Variants in SETBP1 observed in about 807,000 individuals in gnomAD.
SETBP1 encodes SET binding protein 1.
SETBP1 carries 9 observed loss-of-function variants against 101.0 expected under a neutral mutation model. That is an observed-to-expected ratio of 0.09 (90% CI 0.05 to 0.16). The LOEUF (loss-of-function observed/expected upper bound fraction) is 0.16. Among genes scored for constraint, SETBP1 ranks in the 10% least tolerant of loss-of-function variants. The pLI is 1.00. For synonymous variants in SETBP1, 818 were observed against 788.5 expected (o/e 1.04, Z -0.63); for missense variants, 1,858 against 2,033.8 (o/e 0.91, Z 1.66).
chr18:44,851,982 C>T (rs901213224), intron 2 of SETBP1, among the ~76,000 whole-genome samples: 1 of 152,236 alleles, frequency 6.6e-6, no homozygotes, highest in African/African-American at 2.4e-5. Context: ...TCCACGCCCT[C>T]CCAGGTGCAG....
At chr18:44,811,278 T>C (rs1357859674) in intron 2 of SETBP1, among the ~76,000 whole-genome samples, 2 of 152,378 alleles carry the variant, frequency 1.3e-5, no homozygotes, top group Non-Finnish European at 2.9e-5. Context: ...CATCACTCTC[T>C]GAACATTCAT....
At chr18:44,840,331 A>G (rs768817217) in intron 2 of SETBP1, among the ~76,000 whole-genome samples, 1 of 152,208 alleles carries the variant, frequency 6.6e-6, no homozygotes, top group Non-Finnish European at 1.5e-5. Flanking sequence ...TACCCTTGCT[A>G]GATCCCAGCA....
At chr18:44,784,484 C>T (rs926533896) in intron 2 of SETBP1, among the ~76,000 whole-genome samples, 2 of 152,216 alleles carry the variant, frequency 1.3e-5, no homozygotes, top group Non-Finnish European at 2.9e-5. Context: ...ATGTCACTTC[C>T]TCAGAGGGCC....
intron 5 of SETBP1, among the ~76,000 whole-genome samples, chr18:45,051,516 A>AT (rs1249273193): frequency 2.6e-5 from 4 of 152,290 alleles, no homozygotes; most frequent in Non-Finnish European, 4.4e-5. Flanking sequence ...AAGGGAATAT[A>AT]TGGGAAACCT....
intron 3 of SETBP1, among the ~76,000 whole-genome samples, chr18:44,907,778 T>C (rs993991079): frequency 6.6e-6 from 1 of 152,220 alleles, no homozygotes; most frequent in Non-Finnish European, 1.5e-5. Context: ...TTGCAAAATT[T>C]TCCTTTTATT....
intron 3 of SETBP1, among the ~76,000 whole-genome samples, chr18:44,903,895 G>C (rs2144844485): frequency 6.6e-6 from 1 of 152,246 alleles, no homozygotes; most frequent in South Asian, 2.1e-4. Flanking sequence ...TCATTTGATA[G>C]TCTGATGTTG....
At chr18:44,706,938 T>C (rs191221702) in intron 2 of SETBP1, among the ~76,000 whole-genome samples, 1 of 152,230 alleles carries the variant, frequency 6.6e-6, no homozygotes, top group South Asian at 2.1e-4. Flanking sequence ...AGAAAATGGA[T>C]AATTTACAGA....
At chr18:44,971,482 A>G (rs2071858038) in intron 4 of SETBP1, among the ~76,000 whole-genome samples, 1 of 152,074 alleles carries the variant, frequency 6.6e-6, no homozygotes, top group Non-Finnish European at 1.5e-5. Context: ...ACTAGTTTAC[A>G]CTCCCACCAA....
At chr18:45,027,756 C>T (rs1048899288) in intron 4 of SETBP1, among the ~76,000 whole-genome samples, 4 of 152,184 alleles carry the variant, frequency 2.6e-5, no homozygotes, top group Admixed American at 6.5e-5. Context: ...TAACAAATTT[C>T]CACAAACTTA....
At chr18:45,032,671 C>A (rs553765191) in intron 4 of SETBP1, among the ~76,000 whole-genome samples, 10 of 152,288 alleles carry the variant, frequency 6.6e-5, no homozygotes, top group African/African-American at 2.4e-4. Context: ...CTGTGTTCCT[C>A]TCCCCAAGCT....
At chr18:45,015,790 G>A (rs1162736037) in intron 4 of SETBP1, among the ~76,000 whole-genome samples, 1 of 152,188 alleles carries the variant, frequency 6.6e-6, no homozygotes, top group African/African-American at 2.4e-5. Flanking sequence ...GAGAAAAATA[G>A]ATCATAAGTA....
intron 2 of SETBP1, among the ~76,000 whole-genome samples, chr18:44,859,765 G>A (rs1200803216): frequency 6.6e-6 from 1 of 152,130 alleles, no homozygotes; most frequent in Non-Finnish European, 1.5e-5. Context: ...TTCAAGGTGG[G>A]CTTTCTGGAG....
chr18:44,978,414 A>G (rs1035165205), intron 4 of SETBP1, among the ~76,000 whole-genome samples: 2 of 152,192 alleles, frequency 1.3e-5, no homozygotes, highest in Non-Finnish European at 2.9e-5. Context: ...TAGTGATATT[A>G]ATCACAAAGC....
chr18:44,940,298 T>G (rs879349984), intron 3 of SETBP1, among the ~76,000 whole-genome samples: 15 of 152,138 alleles, frequency 9.9e-5, no homozygotes, highest in Non-Finnish European at 1.5e-4. Flanking sequence ...TATAGTTCAG[T>G]TTTTCTTTTT....
At chr18:45,038,740 G>T in intron 5 of SETBP1, 85 bp downstream of exon 5, 1 of 1,436,438 alleles carries the variant, frequency 7.0e-7, no homozygotes. Context: ...TTGAATACAG[G>T]TAAGAGTTCT....
chr18:45,046,874 A>T (rs1463094954), intron 5 of SETBP1, among the ~76,000 whole-genome samples: 1 of 152,232 alleles, frequency 6.6e-6, no homozygotes, highest in Non-Finnish European at 1.5e-5. Flanking sequence ...TTTGAATGTC[A>T]GGAATCTTGC....
At chr18:44,686,268 C>T (rs918528137) in intron 1 of SETBP1, among the ~76,000 whole-genome samples, 4 of 152,262 alleles carry the variant, frequency 2.6e-5, no homozygotes, top group African/African-American at 9.6e-5. Flanking sequence ...CTGCAGCAGG[C>T]ACCTTGCAGT....
intron 4 of SETBP1, among the ~76,000 whole-genome samples, chr18:44,968,477 G>C (rs985835763): frequency 6.6e-6 from 1 of 152,140 alleles, no homozygotes. Context: ...GACGACCTGG[G>C]GGGAAGCCAG....
At chr18:44,998,569 T>C (rs998006401) in intron 4 of SETBP1, among the ~76,000 whole-genome samples, 2 of 152,268 alleles carry the variant, frequency 1.3e-5, no homozygotes, top group African/African-American at 2.4e-5. Context: ...CTGCCGTTCC[T>C]TTTTCATATA....
Sources: allele counts gnomAD v4.1 joint callset (sites outside exome capture counted in the v4.1 genomes callset), GRCh38; gene constraint gnomAD v4.1.1; transcripts MANE v1.5; gene names NCBI Gene and HGNC (gene_info 2026-07-23, HGNC 2026-07-21).